BTBD9: variants seen among roughly 807,000 people sequenced by gnomAD.
The protein encoded by BTBD9 is BTB/POZ domain-containing protein 9.
BTBD9 carries 49 observed loss-of-function variants against 64.3 expected under a neutral mutation model. The ratio of observed to expected loss-of-function variants is 0.76; its 90% confidence interval spans 0.61 to 0.97. The LOEUF (loss-of-function observed/expected upper bound fraction) is 0.97, where lower values mean the gene tolerates loss of function less well. BTBD9 is among the 50% of genes least tolerant of loss of function. The pLI, the probability that BTBD9 is intolerant of heterozygous loss-of-function variation, is 0.00. For missense variants in BTBD9, 598 were observed against 762.1 expected (o/e 0.78, Z 2.53); for synonymous variants, 260 against 274.7 (o/e 0.95, Z 0.53).
chr6:38,421,228 T>C (rs747693006), intron 6 of BTBD9, among the ~76,000 whole-genome samples: 5 of 151,042 alleles, frequency 3.3e-5, no homozygotes, highest in Non-Finnish European at 7.4e-5. Flanking sequence ...TGGTGATGGG[T>C]GCCTGTAATC....
At chr6:38,545,366 G>A (rs900737290) in intron 6 of BTBD9, among the ~76,000 whole-genome samples, 1 of 152,196 alleles carries the variant, frequency 6.6e-6, no homozygotes, top group African/African-American at 2.4e-5. Context: ...GCCATGACTG[G>A]ACAGTTTTAA....
At chr6:38,636,316 C>T (rs1287474124) in intron 1 of BTBD9, among the ~76,000 whole-genome samples, 3 of 152,164 alleles carry the variant, frequency 2.0e-5, no homozygotes, top group South Asian at 2.1e-4. Context: ...ACAGCCTCAG[C>T]GGACATCTAT....
chr6:38,334,537 C>T (rs984803902), intron 7 of BTBD9, among the ~76,000 whole-genome samples: 3 of 151,798 alleles, frequency 2.0e-5, no homozygotes, highest in Non-Finnish European at 2.9e-5. Context: ...CCACTGCACT[C>T]CAGCCTGGGT....
In BTBD9 at chr6:38,587,878, G is replaced by A. The variant is rs1312625416; in HGVS notation, c.814+4698C>T. ...AAGATGAAATAAAAAATAATGTTACGTCGGCATTTGGCTTAACAGATGATC... is the reference window on the plus strand; with the variant it reads ...AAGATGAAATAAAAAATAATGTTACATCGGCATTTGGCTTAACAGATGATC... On this transcript the variant is annotated intron_variant, in intron 4 of 10. Transcript: ENST00000481247. 3.9e-5 allele frequency: 28 copies of A among 721,052 alleles called. 1 individual carries two copies. The Middle Eastern group carries it at 1.6e-3, about 41-fold the overall frequency. 44.7% of individuals were successfully genotyped at this position (721,052 alleles called of 1,614,324 possible).
chr6:38,631,568 G>A (rs752144965), intron 1 of BTBD9, among the ~76,000 whole-genome samples: 1 of 152,162 alleles, frequency 6.6e-6, no homozygotes, highest in Non-Finnish European at 1.5e-5. Context: ...TAGCTGACAT[G>A]TTATAAGGAT....
intron 6 of BTBD9, among the ~76,000 whole-genome samples, chr6:38,396,122 C>T (rs1325512843): frequency 2.0e-5 from 3 of 151,914 alleles, no homozygotes; most frequent in Non-Finnish European, 4.4e-5. Context: ...AAAGACAGGG[C>T]CAGATCAAGT....
chr6:38,186,765 T>C (rs945830200), intron 10 of BTBD9, among the ~76,000 whole-genome samples: 3 of 152,246 alleles, frequency 2.0e-5, no homozygotes, highest in African/African-American at 7.2e-5. Flanking sequence ...CAGTTTCTGC[T>C]ATTGACTTGG....
intron 6 of BTBD9, among the ~76,000 whole-genome samples, chr6:38,347,241 C>T (rs1764317459): frequency 6.6e-6 from 1 of 152,158 alleles, no homozygotes; most frequent in Non-Finnish European, 1.5e-5. Context: ...TACTGGAATA[C>T]ATTTTATACC....
At chr6:38,276,507 A>C (rs1164254756) in intron 8 of BTBD9, among the ~76,000 whole-genome samples, 2 of 152,146 alleles carry the variant, frequency 1.3e-5, no homozygotes, top group Non-Finnish European at 2.9e-5. Context: ...ATAATAATAA[A>C]ATAAAAAATA....
At chr6:38,246,452 G>A (rs565141281) in intron 9 of BTBD9, among the ~76,000 whole-genome samples, 30 of 148,620 alleles carry the variant, frequency 2.0e-4, no homozygotes, top group African/African-American at 6.6e-4. Context: ...CTTGGCGCAC[G>A]TGCACGTACG....
chr6:38,419,312 T>A (rs1397136411), intron 6 of BTBD9, among the ~76,000 whole-genome samples: 2 of 152,144 alleles, frequency 1.3e-5, no homozygotes, highest in Non-Finnish European at 2.9e-5. Context: ...GGAATGAAAA[T>A]GTTCTAAAAT....
At chr6:38,536,701 A>T (rs1027682630) in intron 6 of BTBD9, among the ~76,000 whole-genome samples, 10 of 152,178 alleles carry the variant, frequency 6.6e-5, no homozygotes, top group African/African-American at 2.4e-4. Flanking sequence ...TGTTAAGTGA[A>T]ATAAGCCAGG....
chr6:38,252,496 T>G (rs1452259421), intron 9 of BTBD9, among the ~76,000 whole-genome samples: 6 of 152,242 alleles, frequency 3.9e-5, no homozygotes. Flanking sequence ...GTTCCATTGA[T>G]TCTTACAAGG....
At chr6:38,226,314 C>G (rs572055525) in intron 9 of BTBD9, among the ~76,000 whole-genome samples, 1 of 152,260 alleles carries the variant, frequency 6.6e-6, no homozygotes, top group Non-Finnish European at 1.5e-5. Flanking sequence ...CTGTGGCCAC[C>G]CTTCTCAAGA....
intron 6 of BTBD9, among the ~76,000 whole-genome samples, chr6:38,504,764 C>CA: frequency 6.6e-6 from 1 of 152,036 alleles, no homozygotes; most frequent in African/African-American, 2.4e-5. Flanking sequence ...TTTTCAGTGA[C>CA]AAAAATGAAA....
At chr6:38,625,112 C>A (rs979856922) in intron 1 of BTBD9, among the ~76,000 whole-genome samples, 1 of 134,186 alleles carries the variant, frequency 7.5e-6, no homozygotes, top group Non-Finnish European at 1.5e-5. Flanking sequence ...ATTAAGTAGA[C>A]CTTTAAAGCT....
chr6:38,388,194 A>C (rs1459702508), intron 6 of BTBD9, among the ~76,000 whole-genome samples: 1 of 149,138 alleles, frequency 6.7e-6, no homozygotes, highest in African/African-American at 2.5e-5. Flanking sequence ...TTCCAAGAAA[A>C]TGCTTCTGGT....
intron 6 of BTBD9, among the ~76,000 whole-genome samples, chr6:38,439,619 G>T (rs1435096871): frequency 2.0e-5 from 3 of 151,994 alleles, no homozygotes; most frequent in African/African-American, 7.3e-5. Flanking sequence ...TAGAGATGGG[G>T]TTTCACCATG....
At chr6:38,393,174 G>A (rs186400836) in intron 6 of BTBD9, among the ~76,000 whole-genome samples, 155 of 152,296 alleles carry the variant, frequency 1.0e-3, no homozygotes, top group Non-Finnish European at 1.9e-3. Context: ...GATTACAGGC[G>A]TGAGCCACTA....
Sources: gnomAD v4.1 joint callset for allele counts (sites outside exome capture counted in the v4.1 genomes callset) on GRCh38, gnomAD v4.1.1 for gene constraint, MANE v1.5 for transcripts, NCBI Gene and HGNC (gene_info 2026-07-23, HGNC 2026-07-21) for gene names.